Variants in ZNF560 observed in about 807,000 individuals in gnomAD.
ZNF560 encodes the protein zinc finger protein 560.
ZNF560 carries 54 observed loss-of-function variants against 81.8 expected under a neutral mutation model. The observed-to-expected ratio is 0.66, with a 90% confidence interval of 0.53 to 0.83. The LOEUF (loss-of-function observed/expected upper bound fraction) is 0.83. Ranked by LOEUF, ZNF560 falls within the 40% of genes least tolerant of loss-of-function variation. The pLI, the probability that ZNF560 is intolerant of heterozygous loss-of-function variation, is 0.00. For missense variants in ZNF560, 940 were observed against 932.4 expected, an observed-to-expected ratio of 1.01 and a Z score of -0.11; for synonymous variants, 321 against 317.9, an observed-to-expected ratio of 1.01 and a Z score of -0.10.
rs1364597091 is a variant in ZNF560 at position 9,498,547 on chromosome 19, GAACGACCAGAC to G, written c.-165_-155del. ...TCCACACGAGCCTCACCAAAGTAGT[GAACGACCAGAC>G]AACACAAAGGAAAAAGTGGCTCTGA... On this transcript the variant is annotated 5_prime_UTR_variant, in exon 1 of 10. Transcript: ENST00000301480. 6.6e-6 allele frequency: 1 copy of G among 152,280 alleles called. No homozygotes were observed. Among genetic ancestry groups the G allele is most frequent in the Non-Finnish European group, 1.5e-5 (1 of 68,094 alleles). The allele number at this position is 152,280 out of a possible 1,614,324, so 9.4% of individuals were successfully genotyped here. A position where few individuals can be genotyped will look rare whatever the true frequency, so the allele number is the denominator to read the frequency against.
chr19:9,496,979 T>C (rs894994734), intron 2 of ZNF560, among the ~76,000 whole-genome samples: 2 of 151,836 alleles, frequency 1.3e-5, no homozygotes, highest in South Asian at 2.1e-4. Flanking sequence ...ACAACGTAGA[T>C]AGAACTGGAG....
chr19:9,480,429 G>A (rs1431185206), intron 2 of ZNF560, among the ~76,000 whole-genome samples: 6 of 151,996 alleles, frequency 3.9e-5, no homozygotes, highest in Admixed American at 2.6e-4. Flanking sequence ...AGCAATAAAT[G>A]CCTATATGAA....
rs1308938882 is a variant in ZNF560 at position 9,468,154 on chromosome 19, A to C, written c.793T>G (p.Ser265Ala). The C allele has an allele frequency of 1.2e-6, 2 of 1,613,996 alleles. No homozygotes were observed. Among genetic ancestry groups the C allele is most frequent in the African/African-American group, 1.3e-5 (1 of 74,932 alleles). ...YNKTSTIRKV[S>A]VFSKHGKSFR... ...GATTTTCCATGCTTACTGAACACAG[A>C]AACTTTCCTTATGGTAGAGGTTTTA... is the stretch of plus-strand genomic sequence containing the variant. The change falls in exon 10 of 10, where the codon TCT becomes GCT. Residue 265 changes from serine (S) to alanine (A), a missense_variant. By Grantham distance (99) the Ser-to-Ala change is moderately conservative. Coordinates refer to ENST00000301480, the MANE Select transcript of ZNF560 (RefSeq NM_152476.3).
chr19:9,475,164 G>T, intron 3 of ZNF560, 120 bp downstream of exon 3: 1 of 1,022,180 alleles, frequency 9.8e-7, no homozygotes, highest in Non-Finnish European at 1.5e-6. Flanking sequence ...AAGTGACTCA[G>T]TGCTTGAGTG....
upstream of ZNF560, among the ~76,000 whole-genome samples, chr19:9,500,970 T>C (rs898693530): frequency 2.4e-4 from 36 of 152,130 alleles, no homozygotes; most frequent in African/African-American, 8.7e-4. Context: ...TTGTCTTTTG[T>C]ACTAATGTGA....
chr19:9,453,283 C>T, the ZNF560 span, among the ~76,000 whole-genome samples: 5 of 152,304 alleles, frequency 3.3e-5, no homozygotes, highest in African/African-American at 1.2e-4. Flanking sequence ...GCCTCCATAG[C>T]ACTGAGAAAA....
At chr19:9,495,190 C>T (rs1405787304) in intron 2 of ZNF560, among the ~76,000 whole-genome samples, 1 of 152,018 alleles carries the variant, frequency 6.6e-6, no homozygotes, top group East Asian at 1.9e-4. Flanking sequence ...CTGTAGGTTT[C>T]AGCTAAGGCA....
At chr19:9,475,606 AC>A (rs1165566701) in intron 2 of ZNF560, among the ~76,000 whole-genome samples, 2 of 143,190 alleles carry the variant, frequency 1.4e-5, no homozygotes, top group East Asian at 3.9e-4. Context: ...AGGTAAAGAA[AC>A]TTTTTTTTTT....
upstream of ZNF560, among the ~76,000 whole-genome samples, chr19:9,501,378 TGTGG>T (rs1271459488): frequency 3.2e-5 from 4 of 123,840 alleles, no homozygotes; most frequent in African/African-American, 1.2e-4. Context: ...TGTGTGTGTG[TGTGG>T]AGTGTTGCTC....
chr19:9,464,616 G>A (rs1398900228), downstream of ZNF560, among the ~76,000 whole-genome samples: 1 of 152,150 alleles, frequency 6.6e-6, no homozygotes, highest in Non-Finnish European at 1.5e-5. Flanking sequence ...ACCTTGGCCA[G>A]TGTGAGCCAC....
chr19:9,489,333 A>C (rs376132156), intron 2 of ZNF560, among the ~76,000 whole-genome samples: 1 of 151,138 alleles, frequency 6.6e-6, no homozygotes, highest in African/African-American at 2.4e-5. Context: ...TGCAGTGGCC[A>C]GACAGAGTCG....
At chr19:9,454,858 A>G in the ZNF560 span, among the ~76,000 whole-genome samples, 1 of 151,968 alleles carries the variant, frequency 6.6e-6, no homozygotes, top group South Asian at 2.1e-4. Context: ...GAAGAGAGGG[A>G]GTGTGATAAT....
downstream of ZNF560, among the ~76,000 whole-genome samples, chr19:9,463,044 T>C (rs1057158560): frequency 6.6e-6 from 1 of 152,240 alleles, no homozygotes; most frequent in African/African-American, 2.4e-5. Context: ...AAAGTATGCT[T>C]GTTTTACTAC....
chr19:9,498,825 C>CCATGCCCGGGGGCGGGGCT (rs2073604595), upstream of ZNF560: 1 of 152,304 alleles, frequency 6.6e-6, no homozygotes, highest in Non-Finnish European at 1.5e-5. Context: ...TGGGCGGGGC[C>CCATGCCCGGGGGCGGGGCT]CATGCCCGGG....
At chr19:9,472,077 T>C (rs60979093) in intron 5 of ZNF560, among the ~76,000 whole-genome samples, 6 of 150,630 alleles carry the variant, frequency 4.0e-5, no homozygotes, top group African/African-American at 1.5e-4. Context: ...GCCACTGCAC[T>C]CCAGCCTGGG....
chr19:9,481,690 T>A (rs1213474242), intron 2 of ZNF560, among the ~76,000 whole-genome samples: 1 of 152,178 alleles, frequency 6.6e-6, no homozygotes, highest in African/African-American at 2.4e-5. Flanking sequence ...TCATCACTGG[T>A]CATCAAAGAA....
chr19:9,473,276 G>A lies in ZNF560; in HGVS notation c.158-17C>T. ...GCTGAAATCCTTTACATGAAGAAAT[G>A]ATACATTAATGGAAGAGGCTCAGGC... is the stretch of plus-strand genomic sequence containing the variant. On this transcript the variant is annotated splice_polypyrimidine_tract_variant and intron_variant, in intron 4 of 9. Coordinates refer to ENST00000301480, the MANE Select transcript of ZNF560 (RefSeq NM_152476.3). The A allele has an allele frequency of 1.3e-6, 2 of 1,592,802 alleles. No homozygotes were observed. The highest frequency in any genetic ancestry group is 8.6e-7 in the Non-Finnish European group (1 of 1,167,864).
At position 9,487,693 on chromosome 19, in the gene ZNF560, A is replaced by T. The variant is rs188266734; in HGVS notation, c.-57+10435T>A. Among the ~76,000 whole-genome samples, 3 of 152,244 alleles carry T rather than the reference A, an allele frequency of 2.0e-5. No individual in the cohort carries two copies. In the East Asian group the frequency reaches 5.8e-4, roughly 29 times the overall value. Reference sequence around the variant, plus strand: ...ATAGTACTAAAGCAAAAGGCATTAGATTTCATTGGTGCATTTGAATGTTAC... The same window carrying T: ...ATAGTACTAAAGCAAAAGGCATTAGTTTTCATTGGTGCATTTGAATGTTAC... On this transcript the variant is annotated intron_variant, in intron 2 of 9. Transcript: ENST00000301480.
chr19:9,487,632 C>T (rs577087901), intron 2 of ZNF560, among the ~76,000 whole-genome samples: 4 of 152,318 alleles, frequency 2.6e-5, no homozygotes, highest in African/African-American at 7.2e-5. Context: ...AGAGAAGCCT[C>T]CCTTGAGGGC....
Sources: gnomAD v4.1 joint callset for allele counts (sites outside exome capture counted in the v4.1 genomes callset) on GRCh38, gnomAD v4.1.1 for gene constraint, MANE v1.5 for transcripts, NCBI Gene and HGNC (gene_info 2026-07-23, HGNC 2026-07-21) for gene names.